Variants in ALDH1A1 observed in about 807,000 individuals in gnomAD.
The protein encoded by ALDH1A1 is aldehyde dehydrogenase 1A1.
Under a neutral mutation model 62.1 loss-of-function variants are expected in ALDH1A1, and 19 were observed. The ratio of observed to expected loss-of-function variants is 0.31; its 90% confidence interval spans 0.21 to 0.45. The LOEUF (loss-of-function observed/expected upper bound fraction) is 0.45. Ranked by LOEUF, ALDH1A1 falls within the 20% of genes least tolerant of loss-of-function variation. ALDH1A1 has a pLI of 1.00. For synonymous variants in ALDH1A1, 231 were observed against 215.9 expected, an observed-to-expected ratio of 1.07 and a Z score of -0.61; for missense variants, 521 against 607.1, an observed-to-expected ratio of 0.86 and a Z score of 1.49.
chr9:72,912,219 A>C, intron 9 of ALDH1A1, 97 bp from the exon 10 acceptor site: 1 of 972,450 alleles, frequency 1.0e-6, no homozygotes, highest in Non-Finnish European at 1.5e-6. Flanking sequence ...ATGCTAAAAT[A>C]TTGCAATTAA....
intron 1 of ALDH1A1, among the ~76,000 whole-genome samples, chr9:72,941,080 C>A (rs1485425023): frequency 6.6e-6 from 1 of 152,154 alleles, no homozygotes; most frequent in African/African-American, 2.4e-5. Flanking sequence ...TAAATACAGT[C>A]TTGGATAGTA....
chr9:72,941,758 C>T (rs1830417540), intron 1 of ALDH1A1, among the ~76,000 whole-genome samples: 1 of 152,152 alleles, frequency 6.6e-6, no homozygotes, highest in South Asian at 2.1e-4. Flanking sequence ...AGAGGATAAG[C>T]CGTCTTGTTT....
chr9:72,948,694 A>G (rs1344115461), intron 1 of ALDH1A1, among the ~76,000 whole-genome samples: 2 of 151,918 alleles, frequency 1.3e-5, no homozygotes, highest in Non-Finnish European at 2.9e-5. Flanking sequence ...TTCTGATTAA[A>G]GCATTCTCTT....
intron 7 of ALDH1A1, among the ~76,000 whole-genome samples, chr9:72,923,636 G>A (rs763894691): frequency 1.3e-5 from 2 of 152,142 alleles, no homozygotes; most frequent in African/African-American, 2.4e-5. Flanking sequence ...CAAATAAGGT[G>A]CAAAGGGTGA....
intron 11 of ALDH1A1, among the ~76,000 whole-genome samples, chr9:72,908,573 AAGAAAGAAAGAAAG>A (rs1397736994): frequency 1.0e-5 from 1 of 96,880 alleles, no homozygotes; most frequent in Non-Finnish European, 2.3e-5. Context: ...GAAAGAAAGA[AAGAAAGAAAGAAAG>A]AAAGAAAGAA....
intron 6 of ALDH1A1, 65 bp from the exon 7 acceptor site, chr9:72,924,197 G>T (rs964765550): frequency 6.1e-6 from 7 of 1,142,162 alleles, no homozygotes; most frequent in Admixed American, 2.3e-5. Flanking sequence ...GAGAGTAGGG[G>T]ATTGAGATTG....
At chr9:72,944,221 G>A (rs1830448722) in intron 1 of ALDH1A1, among the ~76,000 whole-genome samples, 1 of 152,078 alleles carries the variant, frequency 6.6e-6, no homozygotes, top group Non-Finnish European at 1.5e-5. Context: ...ACCAACCAGA[G>A]TCCAAGAAAT....
At chr9:72,905,721 T>C (rs1018896195) in intron 12 of ALDH1A1, among the ~76,000 whole-genome samples, 1 of 152,152 alleles carries the variant, frequency 6.6e-6, no homozygotes, top group African/African-American at 2.4e-5. Context: ...CCAATGTAAG[T>C]TGCTTAATAT....
chr9:72,907,022 T>C (rs8187981), intron 11 of ALDH1A1, among the ~76,000 whole-genome samples: 64,536 of 151,866 alleles, frequency 0.42, 14,831 homozygotes, highest in South Asian at 0.58. Flanking sequence ...AAAACCAGGG[T>C]GGCTTCCAGA....
chr9:72,947,712 T>C (rs1220845079), intron 1 of ALDH1A1, among the ~76,000 whole-genome samples: 1 of 151,918 alleles, frequency 6.6e-6, no homozygotes, highest in African/African-American at 2.4e-5. Context: ...AGATCCAAGA[T>C]AAAAAGATTT....
At chr9:72,904,078 C>T (rs1435009967) in intron 12 of ALDH1A1, among the ~76,000 whole-genome samples, 2 of 152,056 alleles carry the variant, frequency 1.3e-5, no homozygotes, top group South Asian at 2.1e-4. Context: ...CAAGAACTCT[C>T]ATTCCATCTT....
chr9:72,939,342 TAAC>T (rs540641888), intron 2 of ALDH1A1, among the ~76,000 whole-genome samples: 149 of 152,256 alleles, frequency 9.8e-4, no homozygotes, highest in Admixed American at 1.5e-3. Flanking sequence ...AGCTGGAAAA[TAAC>T]AACGCTTGTA....
chr9:72,943,203 A>C (rs1447897288), intron 1 of ALDH1A1, among the ~76,000 whole-genome samples: 2 of 152,146 alleles, frequency 1.3e-5, no homozygotes, highest in Non-Finnish European at 1.5e-5. Context: ...AAAATAAAAC[A>C]ACATACAGAA....
intron 9 of ALDH1A1, among the ~76,000 whole-genome samples, chr9:72,914,818 A>G (rs181285994): frequency 1.3e-5 from 2 of 152,126 alleles, no homozygotes; most frequent in Admixed American, 1.3e-4. Flanking sequence ...TTTTTCCCCT[A>G]AAACAAATCG....
At chr9:72,931,493 T>C (rs999346227) in intron 2 of ALDH1A1, among the ~76,000 whole-genome samples, 1 of 152,204 alleles carries the variant, frequency 6.6e-6, no homozygotes, top group Non-Finnish European at 1.5e-5. Context: ...TGTAGAATCT[T>C]TGCTGTTTAC....
intron 1 of ALDH1A1, among the ~76,000 whole-genome samples, chr9:72,943,448 T>C (rs1830439681): frequency 6.6e-6 from 1 of 152,066 alleles, no homozygotes; most frequent in African/African-American, 2.4e-5. Flanking sequence ...ACTGCCACTT[T>C]AGATTAAAGC....
intron 1 of ALDH1A1, among the ~76,000 whole-genome samples, chr9:72,942,643 C>T (rs1044314599): frequency 6.6e-6 from 1 of 152,122 alleles, no homozygotes; most frequent in Non-Finnish European, 1.5e-5. Context: ...CACGATCTTG[C>T]TCCAACATGC....
At chr9:72,903,607 A>G (rs1449310900) in intron 12 of ALDH1A1, among the ~76,000 whole-genome samples, 1 of 144,568 alleles carries the variant, frequency 6.9e-6, no homozygotes, top group Non-Finnish European at 1.5e-5. Flanking sequence ...GAATTTTTGA[A>G]GTAAAAAAAA....
chr9:72,921,446 G>A (rs1374444092), intron 7 of ALDH1A1, among the ~76,000 whole-genome samples: 1 of 150,902 alleles, frequency 6.6e-6, no homozygotes, highest in African/African-American at 2.4e-5. Flanking sequence ...TAAGTTTCAG[G>A]AGTTGAAAGT....
Sources: allele counts gnomAD v4.1 joint callset (sites outside exome capture counted in the v4.1 genomes callset), GRCh38; gene constraint gnomAD v4.1.1; transcripts MANE v1.5; gene names NCBI Gene and HGNC (gene_info 2026-07-23, HGNC 2026-07-21).